The following FBN2 variants were observed in gnomAD, a reference collection of about 807,000 sequenced individuals.
FBN2 encodes fibrillin-2.
Under a neutral mutation model 355.6 loss-of-function variants are expected in FBN2, and 105 were observed. The observed-to-expected ratio is 0.30, with a 90% confidence interval of 0.25 to 0.35. The LOEUF (loss-of-function observed/expected upper bound fraction) is 0.35. Ranked by LOEUF, FBN2 falls within the 10% of genes least tolerant of loss-of-function variation. FBN2 has a pLI of 1.00. For synonymous variants in FBN2, 1,350 were observed against 1,301.2 expected, an observed-to-expected ratio of 1.04 and a Z score of -0.81; for missense variants, 3,280 against 3,758.7, an observed-to-expected ratio of 0.87 and a Z score of 3.33.
intron 7 of FBN2, among the ~76,000 whole-genome samples, chr5:128,445,712 A>C (rs1183186126): frequency 6.6e-6 from 1 of 152,184 alleles, no homozygotes; most frequent in African/African-American, 2.4e-5. Flanking sequence ...AACTGAAAAG[A>C]TAAACATTGT....
At chr5:128,518,009 T>A (rs543404895) in intron 5 of FBN2, among the ~76,000 whole-genome samples, 23 of 152,354 alleles carry the variant, frequency 1.5e-4, no homozygotes, top group Admixed American at 4.6e-4. Context: ...GAAGTTTAAC[T>A]TCTTGATATG....
At chr5:128,502,919 A>G (rs1561488225) in intron 5 of FBN2, among the ~76,000 whole-genome samples, 1 of 152,210 alleles carries the variant, frequency 6.6e-6, no homozygotes, top group Non-Finnish European at 1.5e-5. Flanking sequence ...TTTGAGAAGA[A>G]GTGATAGGAC....
intron 7 of FBN2, among the ~76,000 whole-genome samples, chr5:128,426,112 T>C (rs895618609): frequency 6.6e-5 from 10 of 152,132 alleles, no homozygotes; most frequent in African/African-American, 1.9e-4. Flanking sequence ...AACAAGCCAT[T>C]CACTGGCATT....
chr5:128,269,262 ATAATAATAATAATAATAATAG>A (rs1159778084), intron 62 of FBN2, among the ~76,000 whole-genome samples: 1 of 144,182 alleles, frequency 6.9e-6, no homozygotes, highest in African/African-American at 2.5e-5. Context: ...TAAAAATACA[ATAATAATAATAATAATAATAG>A]TAATAATAAT....
intron 7 of FBN2, among the ~76,000 whole-genome samples, chr5:128,434,394 G>A (rs1041181128): frequency 2.0e-4 from 18 of 91,668 alleles, no homozygotes; most frequent in Middle Eastern, 4.8e-3. Context: ...AATAAAGTGT[G>A]TATATATATA....
In FBN2 at chr5:128,274,553, T is replaced by C. The variant is rs780105328; in HGVS notation, c.7711+14A>G. 3.4e-6 allele frequency: 5 copies of C among 1,451,426 alleles called. No homozygotes were observed. The South Asian group carries it at 5.7e-5, about 17-fold the overall frequency. 89.9% of individuals were successfully genotyped at this position (1,451,426 alleles called of 1,614,324 possible). On this transcript the variant is annotated intron_variant, in intron 60 of 64. Coordinates refer to ENST00000262464, the MANE Select transcript of FBN2 (RefSeq NM_001999.4). ...AGAAGTTTGTAAAATTTCCCATTTG[T>C]AACTTTGTCTTACCGATACAAGCAG...
chr5:128,304,396 CCATTA>C (rs1749807866), intron 45 of FBN2, among the ~76,000 whole-genome samples: 2 of 152,138 alleles, frequency 1.3e-5, no homozygotes, highest in Non-Finnish European at 2.9e-5. Flanking sequence ...ACTTGGCTAC[CCATTA>C]CATTAGCTAC....
intron 14 of FBN2, 60 bp downstream of exon 14, chr5:128,376,671 A>C: frequency 6.3e-7 from 1 of 1,592,264 alleles, no homozygotes; most frequent in Non-Finnish European, 8.6e-7. Context: ...TCCATGGTTC[A>C]TTCAAATAAA....
chr5:128,495,481 G>T (rs1272523215), intron 5 of FBN2, among the ~76,000 whole-genome samples: 1 of 151,986 alleles, frequency 6.6e-6, no homozygotes, highest in Admixed American at 6.6e-5. Context: ...TAGTAAAAAT[G>T]CAAAGATATC....
intron 48 of FBN2, among the ~76,000 whole-genome samples, chr5:128,297,344 C>T (rs1362918842): frequency 1.3e-5 from 2 of 152,138 alleles, no homozygotes; most frequent in East Asian, 3.8e-4. Context: ...CTGTAGATGT[C>T]TATTAGGTCC....
At chr5:128,324,489 T>A (rs1436204243) in intron 34 of FBN2, among the ~76,000 whole-genome samples, 1 of 152,226 alleles carries the variant, frequency 6.6e-6, no homozygotes, top group Non-Finnish European at 1.5e-5. Context: ...TGTTGTGACT[T>A]TGTTCTCATT....
intron 15 of FBN2, among the ~76,000 whole-genome samples, chr5:128,373,327 A>T (rs1446561673): frequency 1.3e-5 from 2 of 152,242 alleles, no homozygotes; most frequent in Non-Finnish European, 2.9e-5. Context: ...CTCTGTAAGC[A>T]GGAAGAAGTT....
intron 5 of FBN2, among the ~76,000 whole-genome samples, chr5:128,488,793 T>A (rs1234565727): frequency 6.6e-6 from 1 of 151,904 alleles, no homozygotes; most frequent in Admixed American, 6.6e-5. Flanking sequence ...GAATGATGAT[T>A]TCCAATTTCA....
chr5:128,481,705 T>C (rs1162411928), intron 5 of FBN2, among the ~76,000 whole-genome samples: 1 of 152,206 alleles, frequency 6.6e-6, no homozygotes, highest in Non-Finnish European at 1.5e-5. Flanking sequence ...ATGATTCTTA[T>C]TATTTGTATT....
chr5:128,322,194 C>T (rs754581866), intron 34 of FBN2, among the ~76,000 whole-genome samples: 57 of 152,030 alleles, frequency 3.7e-4, no homozygotes, highest in African/African-American at 9.4e-4. Flanking sequence ...GCCCTTTGTC[C>T]GATAGATAGA....
chr5:128,452,324 T>C (rs966060139), intron 6 of FBN2, among the ~76,000 whole-genome samples: 3 of 152,182 alleles, frequency 2.0e-5, no homozygotes, highest in African/African-American at 4.8e-5. Flanking sequence ...CCAAATCACA[T>C]GTAACAATTT....
chr5:128,446,541 A>G lies in FBN2; in HGVS notation c.892T>C (p.Ser298Pro). 6.2e-7 allele frequency: 1 copy of G among 1,613,876 alleles called. No homozygotes were observed. The highest frequency in any genetic ancestry group is 8.5e-7 in the Non-Finnish European group (1 of 1,179,752). Residue 298 changes from serine to proline, a missense_variant, in exon 7 of 65, where the codon TCT becomes CCT. Transcript: ENST00000262464. ...CCAGCAGGGCATCTGCATTCAAAAG[A>G]GCCCACTGTATTGATACAGTTTCCT... ...QGGNCINTVG[S>P]FECRCPAGHK...
chr5:128,438,391 C>G (rs1186090710), intron 7 of FBN2, among the ~76,000 whole-genome samples: 1 of 152,222 alleles, frequency 6.6e-6, no homozygotes, highest in East Asian at 1.9e-4. Context: ...GTCTGTTTTA[C>G]TTTTACTTCA....
intron 5 of FBN2, among the ~76,000 whole-genome samples, chr5:128,484,769 A>AT (rs1376794143): frequency 6.6e-6 from 1 of 152,176 alleles, no homozygotes; most frequent in African/African-American, 2.4e-5. Context: ...TATGAAAGGT[A>AT]TGGTAAAGCC....
Sources: allele counts gnomAD v4.1 joint callset (sites outside exome capture counted in the v4.1 genomes callset), GRCh38; gene constraint gnomAD v4.1.1; transcripts MANE v1.5; gene names NCBI Gene and HGNC (gene_info 2026-07-23, HGNC 2026-07-21).